SLC41A3: variants seen among roughly 807,000 people sequenced by gnomAD.
The protein encoded by SLC41A3 is SLC41A1-like 2.
A neutral mutation model predicts 45.4 loss-of-function variants in SLC41A3; 44 were observed. The observed-to-expected ratio is 0.97, with a 90% CI of 0.76 to 1.25. The LOEUF (loss-of-function observed/expected upper bound fraction) is 1.25, where lower values mean the gene tolerates loss of function less well. Ranked by LOEUF, SLC41A3 falls within the 50% of genes most tolerant of loss-of-function variation. The probability of loss-of-function intolerance (pLI) is 0.00; values close to 1 mark genes in which losing one functional copy is unlikely to be tolerated. For synonymous variants in SLC41A3, 256 were observed against 252.4 expected (o/e 1.01, Z -0.13); for missense variants, 550 against 600.6 (o/e 0.92, Z 0.88).
At chr3:126,081,743 C>T (rs1379059732) in intron 1 of SLC41A3, among the ~76,000 whole-genome samples, 1 of 152,240 alleles carries the variant, frequency 6.6e-6, no homozygotes, top group African/African-American at 2.4e-5. Flanking sequence ...GGCTCTGGGT[C>T]TGCCTCTGCC....
chr3:126,006,676 AAC>A lies in SLC41A3; in HGVS notation c.*338_*339del. ...GGTTGCATGGGCATGGAAAAGAGCA[AAC>A]ACACCCTGCAAAGCATACTGGACAT... On this transcript the variant is annotated 3_prime_UTR_variant, in exon 11 of 11. Transcript: ENST00000360370. The A allele has an allele frequency of 1.4e-6, 2 of 1,478,808 alleles. No individual in the cohort carries two copies. The highest frequency in any genetic ancestry group is 8.9e-7 in the Non-Finnish European group (1 of 1,117,804). The allele number at this position is 1,478,808 out of a possible 1,614,324, so 91.6% of individuals were successfully genotyped here.
chr3:126,027,181 G>A (rs912369015), intron 4 of SLC41A3, among the ~76,000 whole-genome samples: 1 of 152,190 alleles, frequency 6.6e-6, no homozygotes, highest in Non-Finnish European at 1.5e-5. Flanking sequence ...AATCCCCGAT[G>A]TTGGAGATGG....
upstream of SLC41A3, among the ~76,000 whole-genome samples, chr3:126,086,405 C>CTTGGTTTTTT (rs1559897472): frequency 6.2e-4 from 14 of 22,760 alleles, 2 homozygotes; most frequent in Non-Finnish European, 9.8e-4. Context: ...TCTTTGTTTT[C>CTTGGTTTTTT]TTGTTTTTTT....
intron 1 of SLC41A3, among the ~76,000 whole-genome samples, chr3:126,081,027 A>T (rs562846260): frequency 1.4e-4 from 21 of 152,304 alleles, no homozygotes; most frequent in African/African-American, 3.6e-4. Context: ...ATCCAAAAGA[A>T]AGGAAACCAG....
intron 1 of SLC41A3, among the ~76,000 whole-genome samples, chr3:126,093,961 A>G (rs1051565423): frequency 2.0e-5 from 3 of 152,244 alleles, no homozygotes; most frequent in African/African-American, 7.2e-5. Flanking sequence ...AACCTGCTCA[A>G]TTTAACATAG....
intron 2 of SLC41A3, chr3:126,056,507 T>C: frequency 1.9e-6 from 3 of 1,614,114 alleles, no homozygotes; most frequent in Non-Finnish European, 2.5e-6. Context: ...CCTCGCAGCT[T>C]CTTGCCCTGA....
chr3:126,081,243 T>C (rs1316274708), intron 1 of SLC41A3, among the ~76,000 whole-genome samples: 1 of 152,180 alleles, frequency 6.6e-6, no homozygotes, highest in Non-Finnish European at 1.5e-5. Context: ...TTACATTCAG[T>C]GAAATAAGCC....
chr3:126,093,146 A>T (rs1351557568), intron 1 of SLC41A3, among the ~76,000 whole-genome samples: 1 of 152,236 alleles, frequency 6.6e-6, no homozygotes, highest in Non-Finnish European at 1.5e-5. Context: ...AGGGAAATAT[A>T]GCTACATTTG....
At chr3:126,007,299 G>T in intron 10 of SLC41A3, 74 bp from the exon 11 acceptor site, 1 of 1,497,998 alleles carries the variant, frequency 6.7e-7, no homozygotes. Context: ...CACTAGCTGA[G>T]GCTCAAGGAG....
In SLC41A3 at chr3:126,058,898, G is replaced by A. The variant is rs1335522000; in HGVS notation, c.274-7848C>T. On this transcript the variant is annotated intron_variant, in intron 2 of 10. Transcript: ENST00000360370. Reference sequence around the variant, plus strand: ...GGCCAACACATCACCCAGGCCAAACGTCTGCCAGGCCTCATGGCCAGCTGA... The same window carrying A: ...GGCCAACACATCACCCAGGCCAAACATCTGCCAGGCCTCATGGCCAGCTGA... Among the ~76,000 whole-genome samples the A allele has an allele frequency of 3.3e-5, 5 of 152,104 alleles. No homozygotes were observed. In the East Asian group the frequency reaches 5.8e-4, roughly 18 times the overall value.
At chr3:126,097,512 T>C (rs929648070) in intron 1 of SLC41A3, among the ~76,000 whole-genome samples, 1 of 152,214 alleles carries the variant, frequency 6.6e-6, no homozygotes, top group Non-Finnish European at 1.5e-5. Flanking sequence ...CCTAACTATC[T>C]GTAACACATT....
intron 8 of SLC41A3, among the ~76,000 whole-genome samples, chr3:126,014,968 C>A (rs1208549392): frequency 2.0e-5 from 3 of 152,180 alleles, no homozygotes; most frequent in African/African-American, 7.2e-5. Context: ...AGCTGGGAAG[C>A]ACAGTCCTGG....
At position 126,099,964 on chromosome 3, in the gene SLC41A3, T is replaced by G. The variant is rs1366417587; in HGVS notation, c.-79+1465A>C. ...CTTTGTGGAGGATGCCTAATGGATG[T>G]GCAGTCCAACCTGATGTGGTGGGCT... On this transcript the variant is annotated intron_variant, in intron 1 of 9. Transcript: ENST00000508835. Among the ~76,000 whole-genome samples, 6 of 152,188 alleles carry G rather than the reference T, an allele frequency of 3.9e-5. No individual in the cohort carries two copies. The East Asian group carries it at 1.2e-3, about 29-fold the overall frequency.
chr3:126,086,397 TTTG>T (rs139742234), upstream of SLC41A3, among the ~76,000 whole-genome samples: 2,171 of 141,224 alleles, frequency 0.015, 95 homozygotes, highest in African/African-American at 0.057. Flanking sequence ...TTTCTTTTTC[TTTG>T]TTTTCTTGTT....
chr3:126,016,709 C>T lies in SLC41A3; in HGVS notation c.890+22G>A, dbSNP rs772467580. 11 of 1,594,980 alleles carry T rather than the reference C, an allele frequency of 6.9e-6. No homozygotes were observed. In the South Asian group the frequency reaches 8.0e-5, roughly 12 times the overall value. ...CATGGCTGAGAGGAGGAAGAGGGGCCGTGGCCCTGGCTCCTGCTCACCTGC... is the reference window on the plus strand; with the variant it reads ...CATGGCTGAGAGGAGGAAGAGGGGCTGTGGCCCTGGCTCCTGCTCACCTGC... On this transcript the variant is annotated intron_variant, in intron 7 of 10. Coordinates refer to ENST00000360370, the MANE Select transcript of SLC41A3 (RefSeq NM_017836.4).
chr3:126,014,835 A>T (rs1363234893), intron 8 of SLC41A3, among the ~76,000 whole-genome samples: 2 of 152,314 alleles, frequency 1.3e-5, no homozygotes, highest in Admixed American at 1.3e-4. Flanking sequence ...CAGACACCAG[A>T]CACCAAGCTA....
chr3:126,024,185 T>C (rs1331868218), intron 5 of SLC41A3: 4 of 152,236 alleles, frequency 2.6e-5, no homozygotes, highest in African/African-American at 9.7e-5. Context: ...TGAACAGCCA[T>C]GGACAATACA....
At position 126,070,834 on chromosome 3, in the gene SLC41A3, AT is replaced by A. The variant is rs34899504; in HGVS notation, c.-27-2589del. Among the ~76,000 whole-genome samples, 146 of 148,492 alleles carry A rather than the reference AT, an allele frequency of 9.8e-4. 2 individuals are homozygous for A. Among genetic ancestry groups the A allele is most frequent in the East Asian group, 6.9e-3 (35 of 5,100 alleles). On this transcript the variant is annotated intron_variant, in intron 1 of 10. Coordinates refer to ENST00000360370, the MANE Select transcript of SLC41A3 (RefSeq NM_017836.4). ...TCGGCAAAGGTAACCACCTAGACAG[AT>A]TTTTTTTTTTAAGTATAAACACATT...
upstream of SLC41A3, chr3:126,084,208 G>T (rs978305946): frequency 6.6e-6 from 1 of 152,058 alleles, no homozygotes; most frequent in Non-Finnish European, 1.5e-5. Flanking sequence ...CCGGCCGGGC[G>T]GCCGGACCTC....
Sources: allele counts gnomAD v4.1 joint callset (sites outside exome capture counted in the v4.1 genomes callset), GRCh38; gene constraint gnomAD v4.1.1; transcripts MANE v1.5; gene names NCBI Gene and HGNC (gene_info 2026-07-23, HGNC 2026-07-21).